USP47: variants seen among roughly 807,000 people sequenced by gnomAD.
The protein encoded by USP47 is ubiquitin specific peptidase 47.
USP47 carries 35 observed loss-of-function variants against 165.1 expected under a neutral mutation model. That is an observed-to-expected ratio of 0.21 (90% CI 0.16 to 0.28). USP47 has a LOEUF of 0.28. Ranked by LOEUF, USP47 falls within the 10% of genes least tolerant of loss-of-function variation. The pLI, the probability that USP47 is intolerant of heterozygous loss-of-function variation, is 1.00. For missense variants in USP47, 1,277 were observed against 1,607.4 expected, an observed-to-expected ratio of 0.79 and a Z score of 3.52; for synonymous variants, 531 against 544.5, an observed-to-expected ratio of 0.98 and a Z score of 0.35.
At chr11:11,923,648 A>C (rs1438818074) in intron 11 of USP47, among the ~76,000 whole-genome samples, 2 of 152,160 alleles carry the variant, frequency 1.3e-5, no homozygotes, top group African/African-American at 4.8e-5. Context: ...CTGATCACTA[A>C]CTCAGGTATT....
chr11:11,906,188 A>G (rs537879391), intron 8 of USP47, among the ~76,000 whole-genome samples: 7 of 152,226 alleles, frequency 4.6e-5, no homozygotes, highest in Middle Eastern at 6.8e-3. Flanking sequence ...TATTTTATCT[A>G]TACATATGTG....
chr11:11,901,973 AAAAG>A (rs1852259083), intron 5 of USP47, among the ~76,000 whole-genome samples: 1 of 151,956 alleles, frequency 6.6e-6, no homozygotes, highest in African/African-American at 2.4e-5. Flanking sequence ...AAAAAAAAAA[AAAAG>A]AGGGAAATAG....
In USP47 at chr11:11,930,117, C is replaced by G. The variant is rs1854549950; in HGVS notation, c.1592C>G (p.Ala531Gly). The change falls in exon 13 of 28, where the codon GCA becomes GGA. Residue 531 changes from alanine to glycine, a missense_variant. Physicochemically the swap from Ala to Gly is moderately conservative, Grantham distance 60. This residue lies in a region of USP47 where 909 missense variants were observed against 1,068.1 expected (regional missense o/e 0.85). Coordinates refer to ENST00000527733, the MANE Select transcript of USP47 (RefSeq NM_001282659.2). Reference sequence around the variant, plus strand: ...AGAGGATATTATTCTAGTGCTTTCGCAAGGTAAGCAATTTCCTAATTTTCA... The same window carrying G: ...AGAGGATATTATTCTAGTGCTTTCGGAAGGTAAGCAATTTCCTAATTTTCA... ...GSRGYYSSAF[A>G]SSTNAYMLIY... The G allele has an allele frequency of 3.7e-6, 6 of 1,610,568 alleles. No homozygotes were observed. In the East Asian group the frequency reaches 1.3e-4, roughly 36 times the overall value.
intron 16 of USP47, 73 bp downstream of exon 16, chr11:11,934,008 A>G (rs1043018002): frequency 6.4e-6 from 7 of 1,092,664 alleles, no homozygotes; most frequent in Non-Finnish European, 9.6e-6. Flanking sequence ...AGTTTTTATA[A>G]TGGATAATAG....
At chr11:11,935,148 G>C (rs1854962204) in intron 16 of USP47, among the ~76,000 whole-genome samples, 1 of 151,998 alleles carries the variant, frequency 6.6e-6, no homozygotes, top group African/African-American at 2.4e-5. Flanking sequence ...TTATACATCT[G>C]GTCCTGCATA....
intron 11 of USP47, among the ~76,000 whole-genome samples, chr11:11,923,277 A>T (rs1010401064): frequency 1.2e-4 from 18 of 151,812 alleles, no homozygotes; most frequent in African/African-American, 4.1e-4. Flanking sequence ...GAGTTTTCCT[A>T]TATAGAAAAG....
At chr11:11,926,840 A>G (rs779161877) in intron 11 of USP47, among the ~76,000 whole-genome samples, 1 of 150,500 alleles carries the variant, frequency 6.6e-6, no homozygotes, top group African/African-American at 2.4e-5. Context: ...AGGCACTTAC[A>G]TCTATAAACT....
intron 8 of USP47, among the ~76,000 whole-genome samples, chr11:11,917,915 T>C (rs1057387974): frequency 1.3e-5 from 2 of 152,136 alleles, no homozygotes; most frequent in African/African-American, 4.8e-5. Flanking sequence ...ACATTAAAAT[T>C]TGATTTAGGC....
intron 20 of USP47, among the ~76,000 whole-genome samples, chr11:11,945,910 G>T (rs1410742990): frequency 6.6e-6 from 1 of 150,950 alleles, no homozygotes; most frequent in Non-Finnish European, 1.5e-5. Flanking sequence ...ACTCCAGCCT[G>T]GGCAACAGAG....
chr11:11,923,429 A>G (rs914439256), intron 11 of USP47, among the ~76,000 whole-genome samples: 2 of 152,098 alleles, frequency 1.3e-5, no homozygotes, highest in African/African-American at 4.8e-5. Flanking sequence ...ATAGTCCTCA[A>G]GACACTTTGA....
chr11:11,903,740 A>G (rs962357749), intron 7 of USP47, among the ~76,000 whole-genome samples: 9 of 152,328 alleles, frequency 5.9e-5, no homozygotes, highest in East Asian at 1.9e-4. Context: ...TATTTTGACC[A>G]ATGAAATATA....
chr11:11,884,652 C>A, intron 3 of USP47, 72 bp downstream of exon 3: 2 of 977,398 alleles, frequency 2.0e-6, no homozygotes, highest in Non-Finnish European at 3.0e-6. Flanking sequence ...ATGCAGTTTC[C>A]CAAAGGAAAT....
intron 14 of USP47, among the ~76,000 whole-genome samples, chr11:11,931,813 A>C (rs1251827150): frequency 2.0e-5 from 3 of 152,166 alleles, no homozygotes; most frequent in Non-Finnish European, 4.4e-5. Flanking sequence ...TCATAATTTC[A>C]TATTGTCCCT....
At chr11:11,863,585 A>G (rs1849501279) in intron 1 of USP47, among the ~76,000 whole-genome samples, 1 of 152,184 alleles carries the variant, frequency 6.6e-6, no homozygotes, top group Admixed American at 6.5e-5. Flanking sequence ...TAAGCCAATT[A>G]TAACTGTTCT....
intron 1 of USP47, among the ~76,000 whole-genome samples, chr11:11,879,909 T>A (rs906453855): frequency 1.9e-4 from 29 of 152,112 alleles, no homozygotes; most frequent in African/African-American, 7.0e-4. Context: ...ATTTACAGTC[T>A]TAAAGGTGAA....
chr11:11,928,413 A>G (rs546677332), intron 11 of USP47, among the ~76,000 whole-genome samples: 2 of 152,216 alleles, frequency 1.3e-5, no homozygotes, highest in African/African-American at 4.8e-5. Context: ...TAGAAATTTC[A>G]CTAATTAACA....
intron 1 of USP47, among the ~76,000 whole-genome samples, chr11:11,861,304 T>C (rs1849369699): frequency 6.6e-6 from 1 of 152,098 alleles, no homozygotes; most frequent in East Asian, 1.9e-4. Context: ...CCATGTTGGC[T>C]AGGGTGGTCT....
At chr11:11,848,249 T>C (rs1281932278) in intron 1 of USP47, among the ~76,000 whole-genome samples, 2 of 152,228 alleles carry the variant, frequency 1.3e-5, no homozygotes, top group Non-Finnish European at 2.9e-5. Flanking sequence ...CATTTGAACA[T>C]GATACAGTGT....
rs769711308 is a variant in USP47, at chr11:11,938,347, C to G, written c.2168C>G (p.Thr723Arg). The change falls in exon 18 of 28, where the codon ACA becomes AGA. Residue 723 changes from threonine to arginine, a missense_variant. Coordinates refer to ENST00000527733, the MANE Select transcript of USP47 (RefSeq NM_001282659.2). ...TVRAYLNQTVTEFKQLISKAI... is the reference protein window; with the variant it reads ...TVRAYLNQTVREFKQLISKAI... ...CGTGCTTACTTAAATCAGACAGTTACAGAATTCAAACAACTGATTTCAAAG... is the reference window on the plus strand; with the variant it reads ...CGTGCTTACTTAAATCAGACAGTTAGAGAATTCAAACAACTGATTTCAAAG... The G allele has an allele frequency of 6.2e-7, 1 of 1,611,832 alleles. No individual in the cohort carries two copies. The highest frequency in any genetic ancestry group is 1.1e-5 in the South Asian group (1 of 90,988).
Sources: gnomAD v4.1 joint callset for allele counts (sites outside exome capture counted in the v4.1 genomes callset) on GRCh38, gnomAD v4.1.1 for gene constraint, gnomAD v4.1.1 regional missense constraint, MANE v1.5 for transcripts, NCBI Gene and HGNC (gene_info 2026-07-23, HGNC 2026-07-21) for gene names.